MICAL3: variants seen among roughly 807,000 people sequenced by gnomAD.
MICAL3 encodes the protein microtubule associated monooxygenase, calponin and LIM domain containing 3.
In MICAL3, 62 loss-of-function variants were observed where a neutral mutation model predicts 207.4. That is an observed-to-expected ratio of 0.30 (90% confidence interval 0.24 to 0.37). MICAL3 has a LOEUF of 0.37. Ranked by LOEUF, MICAL3 falls within the 10% of genes least tolerant of loss-of-function variation. The pLI, the probability that MICAL3 is intolerant of heterozygous loss-of-function variation, is 1.00. For synonymous variants in MICAL3, 1,077 were observed against 1,069.3 expected (o/e 1.01, Z -0.14); for missense variants, 2,368 against 2,635.6 (o/e 0.90, Z 2.22).
At chr22:17,825,483 C>CA (rs1922077837) in intron 22 of MICAL3, among the ~76,000 whole-genome samples, 1 of 144,320 alleles carries the variant, frequency 6.9e-6, no homozygotes, top group Non-Finnish European at 1.5e-5. Flanking sequence ...CTTGCCCCAC[C>CA]GCCCTAGGGA....
At chr22:17,926,478 A>G (rs1932930192) in intron 1 of MICAL3, among the ~76,000 whole-genome samples, 1 of 152,126 alleles carries the variant, frequency 6.6e-6, no homozygotes, top group East Asian at 1.9e-4. Flanking sequence ...CCCTCTTTCT[A>G]TTTTGTTCTA....
At chr22:17,972,084 G>A (rs1935437917) in intron 1 of MICAL3, among the ~76,000 whole-genome samples, 1 of 152,182 alleles carries the variant, frequency 6.6e-6, no homozygotes, top group Admixed American at 6.5e-5. Flanking sequence ...CGCTCCTCAA[G>A]GCAAACACTA....
chr22:17,875,843 G>A (rs906890788), intron 16 of MICAL3, among the ~76,000 whole-genome samples: 3 of 152,158 alleles, frequency 2.0e-5, no homozygotes, highest in Non-Finnish European at 2.9e-5. Context: ...GCCTCCCTCT[G>A]AATGGGTAAG....
At chr22:17,893,736 T>G (rs905488265) in intron 11 of MICAL3, 72 bp downstream of exon 11, 10 of 1,123,634 alleles carry the variant, frequency 8.9e-6, no homozygotes, top group Non-Finnish European at 1.2e-5. Context: ...CCGCACCTTG[T>G]GGCTCAGGGA....
In MICAL3 at chr22:17,973,633, C is replaced by A. The variant is rs1395302590; in HGVS notation, c.-75+50648G>T. Among the ~76,000 whole-genome samples the A allele has an allele frequency of 2.0e-5, 3 of 152,270 alleles. No individual in the cohort carries two copies. The East Asian group carries it at 5.8e-4, about 29-fold the overall frequency. On this transcript the variant is annotated intron_variant, in intron 1 of 31. Coordinates refer to ENST00000441493, the MANE Select transcript of MICAL3 (RefSeq NM_015241.3). ...GACGCAGGCAAATCATGGGCCCTTT[C>A]GAAAAGACAGGCTGGCCAAGTGCGA...
intron 1 of MICAL3, among the ~76,000 whole-genome samples, chr22:17,925,105 G>A (rs938588035): frequency 3.3e-5 from 5 of 152,180 alleles, no homozygotes; most frequent in Non-Finnish European, 7.3e-5. Context: ...AAACCAAAAT[G>A]GGCTTGGCTC....
At chr22:17,884,479 T>C (rs1280658804) in intron 16 of MICAL3, 4 of 702,402 alleles carry the variant, frequency 5.7e-6, no homozygotes, top group Non-Finnish European at 9.3e-6. Context: ...ATCTGTGAAC[T>C]GTGGGGAAGA....
chr22:17,837,413 C>T (rs1274139355), intron 20 of MICAL3, among the ~76,000 whole-genome samples: 1 of 152,242 alleles, frequency 6.6e-6, no homozygotes, highest in Non-Finnish European at 1.5e-5. Context: ...CCTGTGTGTG[C>T]TAGCCCTCCT....
intron 20 of MICAL3, 63 bp from the exon 21 acceptor site, chr22:17,832,170 G>C: frequency 1.3e-6 from 2 of 1,529,386 alleles, no homozygotes; most frequent in Non-Finnish European, 1.8e-6. Context: ...AGGGGAAGGG[G>C]AAGGGCCACC....
At chr22:17,937,600 T>C (rs912870602) in intron 1 of MICAL3, among the ~76,000 whole-genome samples, 2 of 152,162 alleles carry the variant, frequency 1.3e-5, no homozygotes, top group Non-Finnish European at 2.9e-5. Context: ...GAGGCAGAGG[T>C]TGCGGTGAGC....
chr22:17,881,188 C>A (rs374310209), intron 16 of MICAL3: 10 of 1,598,994 alleles, frequency 6.3e-6, no homozygotes, highest in Non-Finnish European at 1.7e-6. Flanking sequence ...GAACATGGAG[C>A]ATGCAGAGAG....
At chr22:17,806,411 G>A (rs1375556368) in intron 29 of MICAL3, among the ~76,000 whole-genome samples, 1 of 150,924 alleles carries the variant, frequency 6.6e-6, no homozygotes, top group Non-Finnish European at 1.5e-5. Context: ...CTTGTCATGA[G>A]GAATAGGAAC....
At chr22:17,905,200 C>T (rs1166467952) in intron 2 of MICAL3, among the ~76,000 whole-genome samples, 1 of 152,180 alleles carries the variant, frequency 6.6e-6, no homozygotes, top group Admixed American at 6.5e-5. Flanking sequence ...AGGACCATTT[C>T]GAAGGTTTCT....
At chr22:17,854,762 A>G (rs1456171583) in intron 19 of MICAL3, among the ~76,000 whole-genome samples, 1 of 152,204 alleles carries the variant, frequency 6.6e-6, no homozygotes, top group Non-Finnish European at 1.5e-5. Context: ...CATGTTTGTC[A>G]TGTGCATGAG....
chr22:17,819,394 T>G (rs924515947), intron 25 of MICAL3, among the ~76,000 whole-genome samples: 1 of 152,156 alleles, frequency 6.6e-6, no homozygotes, highest in Non-Finnish European at 1.5e-5. Flanking sequence ...ACATCCTATA[T>G]TCTTTGTCCA....
At chr22:17,942,185 T>C (rs1161552365) in intron 1 of MICAL3, among the ~76,000 whole-genome samples, 1 of 152,084 alleles carries the variant, frequency 6.6e-6, no homozygotes, top group Non-Finnish European at 1.5e-5. Flanking sequence ...GATAGCCCGG[T>C]GATTGTATGC....
chr22:18,011,838 G>A (rs1923756079), intron 1 of MICAL3, among the ~76,000 whole-genome samples: 1 of 151,312 alleles, frequency 6.6e-6, no homozygotes, highest in Non-Finnish European at 1.5e-5. Flanking sequence ...CTTGCAGTGA[G>A]CCGAGATCGC....
intron 1 of MICAL3, among the ~76,000 whole-genome samples, chr22:18,009,042 T>C (rs1290453138): frequency 1.3e-5 from 2 of 152,128 alleles, no homozygotes; most frequent in East Asian, 3.9e-4. Flanking sequence ...TTGGCATGTG[T>C]ATGTTCAGCA....
intron 2 of MICAL3, among the ~76,000 whole-genome samples, chr22:17,905,816 A>G (rs1490257569): frequency 6.6e-6 from 1 of 152,186 alleles, no homozygotes; most frequent in Non-Finnish European, 1.5e-5. Flanking sequence ...TGCATAACTC[A>G]GGTCTTTGCT....
Sources: gnomAD v4.1 joint callset for allele counts (sites outside exome capture counted in the v4.1 genomes callset) on GRCh38, gnomAD v4.1.1 for gene constraint, MANE v1.5 for transcripts, NCBI Gene and HGNC (gene_info 2026-07-23, HGNC 2026-07-21) for gene names.